Variants in MICAL3 observed in about 807,000 individuals in gnomAD.
The protein encoded by MICAL3 is microtubule associated monooxygenase, calponin and LIM domain containing 3.
Under a neutral mutation model 207.4 loss-of-function variants are expected in MICAL3, and 62 were observed. The ratio of observed to expected loss-of-function variants is 0.30; its 90% CI spans 0.24 to 0.37. MICAL3 has a LOEUF of 0.37. MICAL3 is among the 10% of genes least tolerant of loss of function. MICAL3 has a pLI of 1.00. For missense variants in MICAL3, 2,368 were observed against 2,635.6 expected, an observed-to-expected ratio of 0.90 and a Z score of 2.22; for synonymous variants, 1,077 against 1,069.3, an observed-to-expected ratio of 1.01 and a Z score of -0.14.
chr22:17,791,356 G>T, intron 29 of MICAL3, 55 bp from the exon 30 acceptor site: 1 of 1,454,848 alleles, frequency 6.9e-7, no homozygotes, highest in Non-Finnish European at 9.5e-7. Flanking sequence ...ACCCTGGCCC[G>T]CAGGAATCAC....
rs147189371 is a variant in MICAL3 at position 17,952,440 on chromosome 22, G to A, written c.-74-45554C>T. 1.1e-4 allele frequency among the ~76,000 whole-genome samples: 17 copies of A among 152,286 alleles called. No homozygotes were observed. The South Asian group carries it at 1.2e-3, about 11-fold the overall frequency. ...ACCCTGCTCTCCCAGCCTCACCCTC[G>A]CTACAGGCCTGGAGTTGAGGAGGCC... is the stretch of plus-strand genomic sequence containing the variant. On this transcript the variant is annotated intron_variant, in intron 1 of 31. Transcript: ENST00000441493.
intron 1 of MICAL3, among the ~76,000 whole-genome samples, chr22:17,935,122 A>T (rs905579328): frequency 6.6e-6 from 1 of 152,208 alleles, no homozygotes; most frequent in Non-Finnish European, 1.5e-5. Context: ...CATTGCCAAG[A>T]CAATCCTAAG....
intron 1 of MICAL3, among the ~76,000 whole-genome samples, chr22:17,997,678 C>T (rs1465005876): frequency 6.6e-6 from 1 of 152,172 alleles, no homozygotes; most frequent in East Asian, 1.9e-4. Flanking sequence ...GAACCCAGCC[C>T]TGCTTTCAGT....
chr22:17,832,194 C>A, intron 20 of MICAL3, 87 bp from the exon 21 acceptor site: 4 of 1,471,144 alleles, frequency 2.7e-6, no homozygotes, highest in African/African-American at 1.4e-5. Context: ...AGAAACAATG[C>A]ATGTCAGGCA....
At chr22:17,876,833 G>GAA (rs1569109216) in intron 16 of MICAL3, 16 of 129,044 alleles carry the variant, frequency 1.2e-4, no homozygotes, top group African/African-American at 4.9e-4. Flanking sequence ...AGGTTATGGA[G>GAA]GTTAGGGAGG....
chr22:17,886,144 G>A lies in MICAL3; in HGVS notation c.2068-93C>T. 17 of 1,365,352 alleles carry A rather than the reference G, an allele frequency of 1.2e-5. No individual in the cohort carries two copies. The South Asian group carries it at 1.9e-4, about 15-fold the overall frequency. The allele number at this position is 1,365,352 out of a possible 1,614,324, so 84.6% of individuals were successfully genotyped here. A position where few individuals can be genotyped will look rare whatever the true frequency, so the allele number is the denominator to read the frequency against. The stretch of plus-strand genomic sequence containing the variant: ...AGAAGTGCACTCAGGACCTGGCATG[G>A]GGGCTGGTGGACTGGCTCAGCTCTC... On this transcript the variant is annotated intron_variant, in intron 15 of 31. Transcript: ENST00000441493.
At chr22:17,839,430 T>C (rs1923764849) in intron 20 of MICAL3, among the ~76,000 whole-genome samples, 1 of 151,092 alleles carries the variant, frequency 6.6e-6, no homozygotes, top group Admixed American at 6.6e-5. Flanking sequence ...CAAGTTTTTG[T>C]ATTTTTAGTA....
intron 1 of MICAL3, among the ~76,000 whole-genome samples, chr22:17,928,765 C>T (rs1911162815): frequency 6.6e-6 from 1 of 152,190 alleles, no homozygotes; most frequent in Admixed American, 6.5e-5. Flanking sequence ...TGTAATGACA[C>T]AACCCTGATG....
rs71684833 is a variant in MICAL3 at position 17,843,852 on chromosome 22, A to ATTT, written c.2606-1838_2606-1836dup. Among the ~76,000 whole-genome samples the ATTT allele has an allele frequency of 8.8e-4, 131 of 148,882 alleles. 1 individual carries two copies. The highest frequency in any genetic ancestry group is 1.3e-3 in the Non-Finnish European group (86 of 66,942). The stretch of plus-strand genomic sequence containing the variant: ...TGGTAGCAGCCTGGTGTTACCAGAC[A>ATTT]TTTTTTTTTTTTGAGACGGAGTCTC... On this transcript the variant is annotated intron_variant, in intron 19 of 31. Coordinates refer to ENST00000441493, the MANE Select transcript of MICAL3 (RefSeq NM_015241.3).
At position 17,796,822 on chromosome 22, in the gene MICAL3, C is replaced by T. The variant is rs1601916970; in HGVS notation, c.5651-5521G>A. On this transcript the variant is annotated intron_variant, in intron 29 of 31. Transcript: ENST00000441493. This position sits in a 1 kb window ranked among gnomAD's most constrained non-coding sequence, Gnocchi z 4.4. Reference sequence around the variant, plus strand: ...TTCCTAAGTCGGGGTACCCCCTACACTACCACCTGGCCCTTGGCGCACCCG... The same window carrying T: ...TTCCTAAGTCGGGGTACCCCCTACATTACCACCTGGCCCTTGGCGCACCCG... Among the ~76,000 whole-genome samples the T allele has an allele frequency of 1.3e-5, 2 of 152,228 alleles. No individual in the cohort carries two copies. Among genetic ancestry groups the T allele is most frequent in the Non-Finnish European group, 2.9e-5 (2 of 68,044 alleles).
intron 1 of MICAL3, among the ~76,000 whole-genome samples, chr22:17,909,976 T>C (rs1009588813): frequency 8.5e-5 from 13 of 152,214 alleles, no homozygotes; most frequent in African/African-American, 2.4e-5. Context: ...CCTGCCTGCA[T>C]TCACAGTCAA....
chr22:17,886,308 C>T (rs138918578), intron 15 of MICAL3, among the ~76,000 whole-genome samples: 1 of 152,334 alleles, frequency 6.6e-6, no homozygotes, highest in East Asian at 1.9e-4. Context: ...ACAAGGAGGC[C>T]CTGGTGCACG....
intron 1 of MICAL3, among the ~76,000 whole-genome samples, chr22:17,960,525 C>T (rs1264954773): frequency 6.6e-6 from 1 of 152,134 alleles, no homozygotes; most frequent in African/African-American, 2.4e-5. Context: ...GAAACATGCA[C>T]CCTGGAACAC....
intron 1 of MICAL3, among the ~76,000 whole-genome samples, chr22:18,000,481 C>T (rs978579057): frequency 3.9e-5 from 6 of 152,238 alleles, no homozygotes; most frequent in African/African-American, 1.4e-4. Context: ...GCCTGAGGGG[C>T]CTGCCAGACC....
chr22:17,928,336 G>A (rs1016385691), intron 1 of MICAL3, among the ~76,000 whole-genome samples: 2 of 152,112 alleles, frequency 1.3e-5, no homozygotes, highest in Non-Finnish European at 2.9e-5. Context: ...CTACTCAGGA[G>A]GCTGAGGCAG....
At chr22:17,839,050 C>A (rs1923705431) in intron 20 of MICAL3, among the ~76,000 whole-genome samples, 1 of 150,282 alleles carries the variant, frequency 6.7e-6, no homozygotes, top group Non-Finnish European at 1.5e-5. Flanking sequence ...TAACTTCTGC[C>A]TCCCTGGTTC....
chr22:17,980,240 AC>A (rs1265643705), intron 1 of MICAL3, among the ~76,000 whole-genome samples: 3 of 152,230 alleles, frequency 2.0e-5, no homozygotes, highest in African/African-American at 7.2e-5. Flanking sequence ...CATTCGTGAA[AC>A]AGCAGCAGCT....
intron 29 of MICAL3, among the ~76,000 whole-genome samples, chr22:17,799,200 T>C (rs564903803): frequency 1.3e-5 from 2 of 151,962 alleles, no homozygotes; most frequent in East Asian, 2.0e-4. Flanking sequence ...CTGGCCAACA[T>C]GGTGAAACCC....
At chr22:17,991,606 A>G (rs1921689425) in intron 1 of MICAL3, among the ~76,000 whole-genome samples, 1 of 152,222 alleles carries the variant, frequency 6.6e-6, no homozygotes, top group Non-Finnish European at 1.5e-5. Context: ...TTAGCCAGTC[A>G]GCTATATTAA....
Sources: gnomAD v4.1 joint callset for allele counts (sites outside exome capture counted in the v4.1 genomes callset) on GRCh38, gnomAD v4.1.1 for gene constraint, Gnocchi (gnomAD v3.1) non-coding constraint, MANE v1.5 for transcripts, NCBI Gene and HGNC (gene_info 2026-07-23, HGNC 2026-07-21) for gene names.